The following ZKSCAN5 variants were observed in gnomAD, a reference collection of about 807,000 sequenced individuals.
ZKSCAN5 encodes the protein zinc finger protein with KRAB and SCAN domains 5.
A neutral mutation model predicts 60.0 loss-of-function variants in ZKSCAN5; 28 were observed. The observed-to-expected ratio is 0.47, with a 90% confidence interval of 0.35 to 0.64. ZKSCAN5 has a LOEUF of 0.64. Ranked by LOEUF, ZKSCAN5 falls within the 30% of genes least tolerant of loss-of-function variation. ZKSCAN5 has a pLI of 0.01. For missense variants in ZKSCAN5, 881 were observed against 1,034.6 expected (o/e 0.85, Z 2.04); for synonymous variants, 361 against 371.2 (o/e 0.97, Z 0.31).
Position 99,515,129 on chromosome 7 carries a change from G to A in ZKSCAN5, c.553+2538G>A, listed in dbSNP as rs1478712501. On this transcript the variant is annotated intron_variant, in intron 3 of 6. Transcript: ENST00000326775. Reference sequence around the variant, plus strand: ...ATTTAAAGCTGCTCAGAAAAGCCAGGGGTGGTGGCTCACGCTTGTAATCCC... The same window carrying A: ...ATTTAAAGCTGCTCAGAAAAGCCAGAGGTGGTGGCTCACGCTTGTAATCCC... 2.6e-5 allele frequency among the ~76,000 whole-genome samples: 4 copies of A among 151,998 alleles called. No homozygotes were observed. In the East Asian group the frequency reaches 7.7e-4, roughly 29 times the overall value.
chr7:99,520,706 A>G (rs536333809), intron 5 of ZKSCAN5, among the ~76,000 whole-genome samples: 1 of 152,168 alleles, frequency 6.6e-6, no homozygotes, highest in Non-Finnish European at 1.5e-5. Context: ...TGTTTAATAG[A>G]TTGGATAATT....
Position 99,531,502 on chromosome 7 carries a change from C to A in ZKSCAN5, c.1773C>A (p.His591Gln), listed in dbSNP as rs1802043709. The change falls in exon 7 of 7, where the codon CAC becomes CAA. Residue 591 changes from histidine to glutamine, a missense_variant. Physicochemically the swap from His to Gln is conservative, Grantham distance 24 (BLOSUM62 0). Around this residue, in one of 5 missense-constraint regions of ZKSCAN5, gnomAD observed 112 missense variants for 182.4 expected, o/e 0.61. Coordinates refer to ENST00000326775, the MANE Select transcript of ZKSCAN5 (RefSeq NM_145102.4). ...ECGKSYNQRV[H>Q]LTQHQRVHTG... ...GGAAAAGCTACAACCAACGCGTGCA[C>A]CTAACTCAGCATCAGCGCGTCCACA... 6.2e-7 allele frequency: 1 copy of A among 1,614,192 alleles called. No individual in the cohort carries two copies. The highest frequency in any genetic ancestry group is 1.7e-5 in the Admixed American group (1 of 60,014).
chr7:99,527,091 C>T (rs901366457), intron 6 of ZKSCAN5, among the ~76,000 whole-genome samples: 4 of 152,066 alleles, frequency 2.6e-5, no homozygotes, highest in South Asian at 2.1e-4. Flanking sequence ...CTTTGGGAGG[C>T]GGCTGAGCTA....
At chr7:99,510,160 C>T (rs183367993) in intron 2 of ZKSCAN5, among the ~76,000 whole-genome samples, 2 of 151,920 alleles carry the variant, frequency 1.3e-5, no homozygotes, top group Non-Finnish European at 2.9e-5. Context: ...TCTGGAACTC[C>T]TGGGCTCAAG....
In ZKSCAN5 at chr7:99,525,735, T is replaced by G. The variant is rs1175541757; in HGVS notation, c.773-78T>G. 34 of 1,521,288 alleles carry G rather than the reference T, an allele frequency of 2.2e-5. No individual in the cohort carries two copies. The South Asian group carries it at 4.4e-4, about 19-fold the overall frequency. The allele number at this position is 1,521,288 out of a possible 1,614,324, so 94.2% of individuals were successfully genotyped here. ...CATGGATCCCTAGCACATGTCAGTTTCTCTTCATTATCCCCTCATTTTATT... is the reference window on the plus strand; with the variant it reads ...CATGGATCCCTAGCACATGTCAGTTGCTCTTCATTATCCCCTCATTTTATT... On this transcript the variant is annotated intron_variant, in intron 5 of 6. Transcript: ENST00000326775.
intron 3 of ZKSCAN5, among the ~76,000 whole-genome samples, chr7:99,519,127 C>T (rs896781482): frequency 6.6e-6 from 1 of 151,440 alleles, no homozygotes; most frequent in African/African-American, 2.4e-5. Flanking sequence ...AGGCACCTGC[C>T]ACCACACCCG....
At chr7:99,508,053 A>C (rs138191091) in intron 2 of ZKSCAN5, among the ~76,000 whole-genome samples, 14,033 of 152,222 alleles carry the variant, frequency 0.092, 877 homozygotes, top group Non-Finnish European at 0.13. Context: ...TAATCCCAGC[A>C]CTTGGGGAGG....
chr7:99,526,586 G>A (rs537858235), intron 6 of ZKSCAN5, among the ~76,000 whole-genome samples, 168 bp downstream of exon 6: 71 of 152,234 alleles, frequency 4.7e-4, no homozygotes, highest in African/African-American at 1.3e-3. Flanking sequence ...AGACAGTCTC[G>A]CTCTGTCGCC....
chr7:99,532,277 C>A lies in ZKSCAN5; in HGVS notation c.*28C>A, dbSNP rs1292644167. On this transcript the variant is annotated 3_prime_UTR_variant, in exon 7 of 7. Transcript: ENST00000326775. ...TAGCTCTTAATTTTAGAGAAACCTT[C>A]CTGGAGGGAAACCATACTCCTATAA... 6.6e-7 allele frequency: 1 copy of A among 1,526,690 alleles called. No individual in the cohort carries two copies. The allele number at this position is 1,526,690 out of a possible 1,614,324, so 94.6% of individuals were successfully genotyped here. A position where few individuals can be genotyped will look rare whatever the true frequency, so the allele number is the denominator to read the frequency against.
At chr7:99,515,833 CAAAAAA>C (rs1165846971) in intron 3 of ZKSCAN5, among the ~76,000 whole-genome samples, 1 of 66,784 alleles carries the variant, frequency 1.5e-5, no homozygotes, top group Non-Finnish European at 3.2e-5. Context: ...GACTCCATCT[CAAAAAA>C]AAAAAAAAAA....
intron 1 of ZKSCAN5, 94 bp from the exon 2 acceptor site, chr7:99,505,911 T>C: frequency 9.1e-7 from 1 of 1,098,854 alleles, no homozygotes; most frequent in East Asian, 2.5e-5. Flanking sequence ...GCCATCTGTC[T>C]TTGCTAATAA....
intron 6 of ZKSCAN5, among the ~76,000 whole-genome samples, chr7:99,528,557 G>A (rs1801907873): frequency 6.6e-6 from 1 of 152,178 alleles, no homozygotes; most frequent in African/African-American, 2.4e-5. Flanking sequence ...TTCCTGCATA[G>A]CTGGGACTAC....
At position 99,526,431 on chromosome 7, in the gene ZKSCAN5, A is replaced by G; in HGVS notation, c.1378+13A>G. On this transcript the variant is annotated intron_variant, in intron 6 of 6. Transcript: ENST00000326775. ...AAATCCCAGAGATGTACGTGTGAGG[A>G]GTTTATATCCGGGGGATAAATGGAG... The G allele has an allele frequency of 6.3e-7, 1 of 1,590,690 alleles. No homozygotes were observed. Among genetic ancestry groups the G allele is most frequent in the Non-Finnish European group, 8.5e-7 (1 of 1,174,726 alleles).
intron 5 of ZKSCAN5, among the ~76,000 whole-genome samples, chr7:99,521,338 C>T (rs571397441): frequency 2.0e-5 from 3 of 152,234 alleles, no homozygotes; most frequent in African/African-American, 7.2e-5. Flanking sequence ...GCTGGGGTTA[C>T]AGGCATGTGC....
intron 3 of ZKSCAN5, among the ~76,000 whole-genome samples, chr7:99,517,583 A>T (rs1801320187): frequency 6.6e-6 from 1 of 152,162 alleles, no homozygotes; most frequent in African/African-American, 2.4e-5. Context: ...CAGGAAGCTG[A>T]GGCAGGAGAC....
intron 3 of ZKSCAN5, 43 bp from the exon 4 acceptor site, chr7:99,519,784 G>C: frequency 6.4e-7 from 1 of 1,574,356 alleles, no homozygotes; most frequent in Middle Eastern, 1.7e-4. Flanking sequence ...ATGAGAACCG[G>C]GCAAAGATGT....
At chr7:99,512,691 G>C (rs1203591132) in intron 3 of ZKSCAN5, 100 bp downstream of exon 3, 1 of 1,450,996 alleles carries the variant, frequency 6.9e-7, no homozygotes, top group East Asian at 2.5e-5. Flanking sequence ...AGGCTGAGCA[G>C]CCTCTCTACA....
chr7:99,517,661 A>G (rs964564004), intron 3 of ZKSCAN5, among the ~76,000 whole-genome samples: 22 of 152,068 alleles, frequency 1.4e-4, no homozygotes, highest in African/African-American at 5.3e-4. Flanking sequence ...AGCCTGGGCA[A>G]CAGAGCGAGA....
chr7:99,522,599 G>A (rs946268422), intron 5 of ZKSCAN5, among the ~76,000 whole-genome samples: 43 of 151,230 alleles, frequency 2.8e-4, no homozygotes, highest in African/African-American at 8.0e-4. Flanking sequence ...TCAGCCTCCC[G>A]AGTAGCTCCC....
Sources: allele counts gnomAD v4.1 joint callset (sites outside exome capture counted in the v4.1 genomes callset), GRCh38; gene constraint gnomAD v4.1.1; regional missense constraint gnomAD v4.1.1; transcripts MANE v1.5; gene names NCBI Gene and HGNC (gene_info 2026-07-23, HGNC 2026-07-21).